The following CCSER2 variants were observed in gnomAD, a reference collection of about 807,000 sequenced individuals.
The protein encoded by CCSER2 is coiled-coil serine rich protein 2, also known as serine-rich coiled-coil domain-containing protein 2.
In CCSER2, 46 loss-of-function variants were observed where a neutral mutation model predicts 92.3. The ratio of observed to expected loss-of-function variants is 0.50; its 90% CI spans 0.39 to 0.64. CCSER2 has a LOEUF of 0.64. Ranked by LOEUF, CCSER2 falls within the 30% of genes least tolerant of loss-of-function variation. CCSER2 has a pLI of 0.00. For synonymous variants in CCSER2, 433 were observed against 431.4 expected, an observed-to-expected ratio of 1.00 and a Z score of -0.04; for missense variants, 1,244 against 1,238.9, an observed-to-expected ratio of 1.00 and a Z score of -0.06.
chr10:84,400,494 T>G (rs1842061952), intron 3 of CCSER2, among the ~76,000 whole-genome samples: 1 of 152,124 alleles, frequency 6.6e-6, no homozygotes, highest in Non-Finnish European at 1.5e-5. Flanking sequence ...TCCTGAGAGT[T>G]TTATGGTTTT....
At chr10:84,356,747 G>C (rs1845195085) in intron 1 of CCSER2, among the ~76,000 whole-genome samples, 1 of 152,206 alleles carries the variant, frequency 6.6e-6, no homozygotes, top group East Asian at 1.9e-4. Flanking sequence ...ATTAGTACCT[G>C]TTTTACTTAC....
chr10:84,512,973 G>T (rs1849440474), intron 9 of CCSER2, among the ~76,000 whole-genome samples: 1 of 152,016 alleles, frequency 6.6e-6, no homozygotes, highest in Non-Finnish European at 1.5e-5. Context: ...TTTATCTGCT[G>T]GTGCTTTTCA....
chr10:84,368,769 G>A lies in CCSER2; in HGVS notation c.-39-2245G>A, dbSNP rs12412380. On this transcript the variant is annotated intron_variant, in intron 1 of 9. Coordinates refer to ENST00000372088, the MANE Select transcript of CCSER2 (RefSeq NM_001284240.2). The stretch of plus-strand genomic sequence containing the variant: ...GGTGAAGTCTGAGATTTTAGTGCAC[G>A]TGCCACCCGAATAGTATACATTGTA... 4.5e-3 allele frequency among the ~76,000 whole-genome samples: 682 copies of A among 152,080 alleles called. 22 individuals carry two copies. The highest frequency in any genetic ancestry group is 0.041 in the Admixed American group (631 of 15,264).
Position 84,477,746 on chromosome 10 carries a change from A to G in CCSER2, c.2325+82A>G, listed in dbSNP as rs562917254. 3.5e-4 allele frequency: 259 copies of G among 741,922 alleles called. 3 individuals carry two copies. The Middle Eastern group carries it at 0.02, about 57-fold the overall frequency. The allele number at this position is 741,922 out of a possible 1,614,324, so 46.0% of individuals were successfully genotyped here. A position where few individuals can be genotyped will look rare whatever the true frequency, so the allele number is the denominator to read the frequency against. On this transcript the variant is annotated intron_variant, in intron 9 of 9. Transcript: ENST00000372088. ...TTTCACTCTTTTTACAGCAATCTCT[A>G]ATGATTTTGAATCTGTCATGGCTGT...
intron 6 of CCSER2, among the ~76,000 whole-genome samples, chr10:84,441,452 T>C (rs1432518118): frequency 6.6e-6 from 1 of 152,188 alleles, no homozygotes; most frequent in Non-Finnish European, 1.5e-5. Flanking sequence ...TGGTTCCCTG[T>C]ATTCTTTCTC....
At chr10:84,445,252 C>T (rs922300026) in intron 6 of CCSER2, among the ~76,000 whole-genome samples, 2 of 152,104 alleles carry the variant, frequency 1.3e-5, no homozygotes, top group Admixed American at 1.3e-4. Flanking sequence ...CTCCTGGGCT[C>T]ACACCATTCT....
Position 84,516,649 on chromosome 10 carries a change from G to A in CCSER2, c.*2382G>A, listed in dbSNP as rs975629717. ...TTTATTTTTAATTCCCTAGTCTGAG[G>A]GAAATGTCTTTATTGTCCATTACAT... is the stretch of plus-strand genomic sequence containing the variant. On this transcript the variant is annotated 3_prime_UTR_variant, in exon 10 of 10. Coordinates refer to ENST00000372088, the MANE Select transcript of CCSER2 (RefSeq NM_001284240.2). 2.0e-5 allele frequency: 3 copies of A among 151,984 alleles called. No homozygotes were observed. Among genetic ancestry groups the A allele is most frequent in the Non-Finnish European group, 2.9e-5 (2 of 67,986 alleles). The allele number at this position is 151,984 out of a possible 1,614,324, so 9.4% of individuals were successfully genotyped here.
chr10:84,507,198 C>T, intron 9 of CCSER2: 1 of 376,280 alleles, frequency 2.7e-6, no homozygotes. Flanking sequence ...TTGTGGCTGC[C>T]ACCCAGTCAT....
Position 84,392,032 on chromosome 10 carries a change from G to C in CCSER2, c.1614+18217G>C. Reference sequence around the variant, plus strand: ...CTTCCCTTAAAAAGAGCGTCTTGCAGCTGTTTATGGTGTTTAATACACTTA... The same window carrying C: ...CTTCCCTTAAAAAGAGCGTCTTGCACCTGTTTATGGTGTTTAATACACTTA... On this transcript the variant is annotated intron_variant, in intron 3 of 9. Coordinates refer to ENST00000372088, the MANE Select transcript of CCSER2 (RefSeq NM_001284240.2). The C allele has an allele frequency of 2.4e-6, 3 of 1,253,876 alleles. No homozygotes were observed. The South Asian group carries it at 3.6e-5, about 15-fold the overall frequency. 77.7% of individuals were successfully genotyped at this position (1,253,876 alleles called of 1,614,324 possible). A position where few individuals can be genotyped will look rare whatever the true frequency, so the allele number is the denominator to read the frequency against.
chr10:84,463,441 C>T (rs1265530393), intron 6 of CCSER2, among the ~76,000 whole-genome samples: 2 of 152,156 alleles, frequency 1.3e-5, no homozygotes, highest in Non-Finnish European at 2.9e-5. Flanking sequence ...TCTCAGACTT[C>T]ATATAAATGG....
At chr10:84,450,039 T>A (rs1334076026) in intron 6 of CCSER2, among the ~76,000 whole-genome samples, 1 of 152,226 alleles carries the variant, frequency 6.6e-6, no homozygotes, top group Non-Finnish European at 1.5e-5. Context: ...AACAACATGT[T>A]TCATAGTAAC....
intron 9 of CCSER2, among the ~76,000 whole-genome samples, chr10:84,506,008 C>G (rs919497366): frequency 2.6e-5 from 4 of 151,854 alleles, no homozygotes; most frequent in African/African-American, 9.7e-5. Flanking sequence ...CTGAACTACT[C>G]TACATCATCT....
chr10:84,346,815 G>A (rs541381329), intron 1 of CCSER2, among the ~76,000 whole-genome samples: 15 of 150,658 alleles, frequency 1.0e-4, no homozygotes, highest in African/African-American at 3.7e-4. Flanking sequence ...ATCATTCTTG[G>A]GTGTTTCTCG....
intron 1 of CCSER2, among the ~76,000 whole-genome samples, chr10:84,347,305 CGG>C (rs1183001703): frequency 6.6e-6 from 1 of 152,188 alleles, no homozygotes; most frequent in Non-Finnish European, 1.5e-5. Context: ...ACCTCCTAGA[CGG>C]GGTGGTGGCC....
chr10:84,491,551 A>G (rs1173672970), intron 9 of CCSER2, among the ~76,000 whole-genome samples: 1 of 152,208 alleles, frequency 6.6e-6, no homozygotes, highest in African/African-American at 2.4e-5. Flanking sequence ...GGCACAGGAT[A>G]TAATTTCCTG....
chr10:84,479,257 C>T (rs1370457997), intron 9 of CCSER2, among the ~76,000 whole-genome samples: 1 of 152,180 alleles, frequency 6.6e-6, no homozygotes, highest in Non-Finnish European at 1.5e-5. Flanking sequence ...GTAGCAAAAG[C>T]TGGGGAGATT....
At position 84,517,028 on chromosome 10, in the gene CCSER2, T is replaced by C. The variant is rs1025729937; in HGVS notation, c.*2761T>C. The C allele has an allele frequency of 6.6e-6, 1 of 152,214 alleles. No homozygotes were observed. The highest frequency in any genetic ancestry group is 1.5e-5 in the Non-Finnish European group (1 of 68,032). 9.4% of individuals were successfully genotyped at this position (152,214 alleles called of 1,614,324 possible). A position where few individuals can be genotyped will look rare whatever the true frequency, so the allele number is the denominator to read the frequency against. On this transcript the variant is annotated 3_prime_UTR_variant, in exon 10 of 10. Transcript: ENST00000372088. ...CTGAATAATCAAAGATCATCTTAGATTTGGCTTGATCTGTGTTTATTGCTT... is the reference window on the plus strand; with the variant it reads ...CTGAATAATCAAAGATCATCTTAGACTTGGCTTGATCTGTGTTTATTGCTT...
At chr10:84,412,179 C>T (rs1300393033) in intron 3 of CCSER2, among the ~76,000 whole-genome samples, 1 of 151,986 alleles carries the variant, frequency 6.6e-6, no homozygotes, top group East Asian at 1.9e-4. Context: ...GTGCTACTGC[C>T]TTCTGTTTGC....
chr10:84,506,402 C>A (rs1849045485), intron 9 of CCSER2, among the ~76,000 whole-genome samples: 1 of 152,120 alleles, frequency 6.6e-6, no homozygotes, highest in African/African-American at 2.4e-5. Context: ...ATTAGGGATA[C>A]AAATTAAGTC....
Sources: gnomAD v4.1 joint callset for allele counts (sites outside exome capture counted in the v4.1 genomes callset) on GRCh38, gnomAD v4.1.1 for gene constraint, MANE v1.5 for transcripts, NCBI Gene and HGNC (gene_info 2026-07-23, HGNC 2026-07-21) for gene names.